Variants in ITPR1 observed in about 807,000 individuals in gnomAD.
The protein encoded by ITPR1 is inositol 1,4,5-trisphosphate-gated calcium channel ITPR1.
Under a neutral mutation model 318.4 loss-of-function variants are expected in ITPR1, and 96 were observed. The ratio of observed to expected loss-of-function variants is 0.30; its 90% CI spans 0.26 to 0.36. The LOEUF (loss-of-function observed/expected upper bound fraction) is 0.36. ITPR1 is among the 10% of genes least tolerant of loss of function. The pLI, the probability that ITPR1 is intolerant of heterozygous loss-of-function variation, is 1.00. For synonymous variants in ITPR1, 1,312 were observed against 1,289.9 expected (o/e 1.02, Z -0.37); for missense variants, 2,440 against 3,460.2 (o/e 0.71, Z 7.40).
In ITPR1 at chr3:4,668,853, G is replaced by C. The variant is rs184861776; in HGVS notation, c.1887-801G>C. ...TAAGAGTCTTGCAAGTTCAGTTGTT[G>C]GTTGAGCGTTTTTATTATAGATTAG... On this transcript the variant is annotated intron_variant, in intron 18 of 61. Coordinates refer to ENST00000649015, the MANE Select transcript of ITPR1 (RefSeq NM_001378452.1). 1.4e-3 allele frequency among the ~76,000 whole-genome samples: 208 copies of C among 152,290 alleles called. 1 individual carries two copies. The highest frequency in any genetic ancestry group is 2.3e-3 in the Non-Finnish European group (159 of 68,016).
chr3:4,712,441 T>C (rs9880562), intron 39 of ITPR1, among the ~76,000 whole-genome samples: 77,228 of 152,112 alleles, frequency 0.51, 21,205 homozygotes, highest in Non-Finnish European at 0.64. Flanking sequence ...TGATGTTGGG[T>C]AGAGCAGGAC....
chr3:4,582,734 G>C (rs557938195), intron 4 of ITPR1, among the ~76,000 whole-genome samples: 6 of 151,252 alleles, frequency 4.0e-5, no homozygotes, highest in Non-Finnish European at 8.9e-5. Context: ...CCATCTGTTA[G>C]ATTTTTTCTG....
intron 60 of ITPR1, among the ~76,000 whole-genome samples, chr3:4,823,168 T>C (rs1231699730): frequency 6.6e-6 from 1 of 152,234 alleles, no homozygotes; most frequent in Non-Finnish European, 1.5e-5. Flanking sequence ...GGTGAATTCA[T>C]TATGAGCACT....
chr3:4,572,411 A>G (rs1308462901), intron 4 of ITPR1, among the ~76,000 whole-genome samples: 1 of 152,098 alleles, frequency 6.6e-6, no homozygotes, highest in Non-Finnish European at 1.5e-5. Context: ...TTATATGCAT[A>G]TATTATAGTT....
At chr3:4,664,194 A>G (rs1008999544) in intron 16 of ITPR1, among the ~76,000 whole-genome samples, 9 of 152,364 alleles carry the variant, frequency 5.9e-5, no homozygotes, top group African/African-American at 1.7e-4. Flanking sequence ...AGAGTGCCCT[A>G]TAAGTCACCA....
chr3:4,685,056 T>C lies in ITPR1; in HGVS notation c.3565-13T>C. ...TCCTAGTTTTCTGAGACTGATTTCTTTCATTCTACTAGATTTTGATTCGGC... is the reference window on the plus strand; with the variant it reads ...TCCTAGTTTTCTGAGACTGATTTCTCTCATTCTACTAGATTTTGATTCGGC... On this transcript the variant is annotated splice_polypyrimidine_tract_variant and intron_variant, in intron 29 of 61. Transcript: ENST00000649015. The C allele has an allele frequency of 6.2e-7, 1 of 1,605,188 alleles. No individual in the cohort carries two copies. The highest frequency in any genetic ancestry group is 8.5e-7 in the Non-Finnish European group (1 of 1,175,376).
chr3:4,651,651 T>C (rs2093602225), intron 10 of ITPR1, among the ~76,000 whole-genome samples: 1 of 152,248 alleles, frequency 6.6e-6, no homozygotes, highest in Non-Finnish European at 1.5e-5. Flanking sequence ...GCTAGTTAAC[T>C]CTGTCATGGC....
Position 4,622,510 on chromosome 3 carries a change from G to A in ITPR1, c.164-5253G>A, listed in dbSNP as rs549372480. Among the ~76,000 whole-genome samples the A allele has an allele frequency of 1.4e-3, 207 of 151,120 alleles. 3 individuals are homozygous for A. Among genetic ancestry groups the A allele is most frequent in the African/African-American group, 8.0e-4 (33 of 41,082 alleles). ...GTGATATCAGGTCACTGCAACCTCCGCCTCCCGGGTTCAAGTGGTTCTCCT... is the reference window on the plus strand; with the variant it reads ...GTGATATCAGGTCACTGCAACCTCCACCTCCCGGGTTCAAGTGGTTCTCCT... On this transcript the variant is annotated intron_variant, in intron 4 of 61. Coordinates refer to ENST00000649015, the MANE Select transcript of ITPR1 (RefSeq NM_001378452.1).
intron 44 of ITPR1, among the ~76,000 whole-genome samples, chr3:4,746,063 A>G (rs775314577): frequency 3.3e-5 from 5 of 152,202 alleles, no homozygotes; most frequent in Non-Finnish European, 7.3e-5. Context: ...CAGCGGTTTG[A>G]AACTAGGCAC....
chr3:4,532,479 C>G (rs543047531), intron 4 of ITPR1, among the ~76,000 whole-genome samples: 5 of 152,208 alleles, frequency 3.3e-5, no homozygotes, highest in African/African-American at 1.2e-4. Context: ...ATCTTCCCCC[C>G]TCAGCCTCCT....
chr3:4,610,914 T>TCCTTCCCTTCCCTTC (rs142566502), intron 4 of ITPR1, among the ~76,000 whole-genome samples: 4 of 74,446 alleles, frequency 5.4e-5, no homozygotes, highest in African/African-American at 1.2e-4. Flanking sequence ...CTTCTCCTTC[T>TCCTTCCCTTCCCTTC]CCTTCCCTTC....
intron 49 of ITPR1, among the ~76,000 whole-genome samples, chr3:4,780,871 A>G (rs1001786104): frequency 2.0e-5 from 3 of 152,118 alleles, no homozygotes; most frequent in Non-Finnish European, 4.4e-5. Flanking sequence ...CAGCTCTCTG[A>G]CCTATCTCAG....
chr3:4,845,709 C>A (rs2051718041), intron 61 of ITPR1, among the ~76,000 whole-genome samples: 1 of 152,050 alleles, frequency 6.6e-6, no homozygotes, highest in Admixed American at 6.6e-5. Context: ...AAATCAGGAC[C>A]CACTGAAAGT....
At position 4,725,213 on chromosome 3, in the gene ITPR1, A is replaced by G. The variant is rs375285476; in HGVS notation, c.5137-333A>G. On this transcript the variant is annotated intron_variant, in intron 40 of 61. Transcript: ENST00000649015. The stretch of plus-strand genomic sequence containing the variant: ...TTTCCTTGTCTCGGTGGACTGAGAC[A>G]AGGATGTGCTGTGGTTTTTCCTGTC... Among the ~76,000 whole-genome samples, 31 of 151,274 alleles carry G rather than the reference A, an allele frequency of 2.0e-4. No homozygotes were observed. In the East Asian group the frequency reaches 4.5e-3, roughly 22 times the overall value.
At position 4,642,117 on chromosome 3, in the gene ITPR1, T is replaced by C. The variant is rs1309956935; in HGVS notation, c.391T>C (p.Tyr131His). The C allele has an allele frequency of 1.2e-6, 2 of 1,604,500 alleles. No homozygotes were observed. Among genetic ancestry groups the C allele is most frequent in the East Asian group, 2.2e-5 (1 of 44,466 alleles). Residue 131 changes from tyrosine to histidine, a missense_variant, in exon 7 of 62, where the codon TAC (tyrosine) becomes CAC (histidine). By Grantham distance (83) the Tyr-to-His change is moderately conservative. Around this residue, in one of 23 missense-constraint regions of ITPR1, gnomAD observed 186 missense variants for 323.9 expected, o/e 0.57. Transcript: ENST00000649015. ...IQLLHLKSNK[Y>H]LTVNKRLPAL... ...GCTCCTGCATTTGAAAAGTAATAAA[T>C]ACCTAACAGTGAATAAGAGGCTTCC...
intron 31 of ITPR1, among the ~76,000 whole-genome samples, chr3:4,689,684 T>C (rs1264032822): frequency 6.6e-6 from 1 of 152,112 alleles, no homozygotes; most frequent in Non-Finnish European, 1.5e-5. Flanking sequence ...ACCCCAAATA[T>C]AAAACTCAAT....
intron 40 of ITPR1, among the ~76,000 whole-genome samples, chr3:4,720,410 A>G (rs557757364): frequency 1.3e-5 from 2 of 152,332 alleles, no homozygotes; most frequent in Middle Eastern, 3.4e-3. Flanking sequence ...TTGCTTTCCT[A>G]TGCTTTAAAG....
chr3:4,798,332 C>G (rs1433723481), intron 53 of ITPR1, among the ~76,000 whole-genome samples: 2 of 152,182 alleles, frequency 1.3e-5, no homozygotes, highest in Non-Finnish European at 2.9e-5. Flanking sequence ...GTATGAATGG[C>G]CAGTAAGCAC....
At chr3:4,527,676 T>C (rs2083091157) in intron 4 of ITPR1, among the ~76,000 whole-genome samples, 1 of 152,106 alleles carries the variant, frequency 6.6e-6, no homozygotes, top group Non-Finnish European at 1.5e-5. Flanking sequence ...ATAATGACAG[T>C]CTGAGTATTG....
Sources: allele counts gnomAD v4.1 joint callset (sites outside exome capture counted in the v4.1 genomes callset), GRCh38; gene constraint gnomAD v4.1.1; regional missense constraint gnomAD v4.1.1; transcripts MANE v1.5; gene names NCBI Gene and HGNC (gene_info 2026-07-23, HGNC 2026-07-21).